Variants in EML4 observed in about 807,000 individuals in gnomAD.
EML4 encodes the protein echinoderm microtubule-associated protein-like 4.
A neutral mutation model predicts 129.0 loss-of-function variants in EML4; 72 were observed. The ratio of observed to expected loss-of-function variants is 0.56; its 90% CI spans 0.46 to 0.68. The LOEUF (loss-of-function observed/expected upper bound fraction) is 0.68. EML4 is among the 30% of genes least tolerant of loss of function. The pLI is 0.00. For synonymous variants in EML4, 532 were observed against 405.0 expected (o/e 1.31, Z -3.77); for missense variants, 1,363 against 1,190.6 (o/e 1.14, Z -2.13).
At chr2:42,308,085 G>A (rs1404527472) in intron 17 of EML4, among the ~76,000 whole-genome samples, 1 of 152,212 alleles carries the variant, frequency 6.6e-6, no homozygotes, top group African/African-American at 2.4e-5. Context: ...TAACTAAAGA[G>A]TAAGCACAGT....
chr2:42,171,800 T>C (rs1670297337), intron 1 of EML4, among the ~76,000 whole-genome samples: 1 of 152,220 alleles, frequency 6.6e-6, no homozygotes, highest in Admixed American at 6.5e-5. Context: ...AGCTCTGTGC[T>C]TTCTCTTTCT....
rs375739496 is a variant in EML4, at chr2:42,240,281, C to A, written c.26-5224C>A. On this transcript the variant is annotated intron_variant, in intron 1 of 22. Transcript: ENST00000318522. ...TAATACACATTTTTATTGTGAAATT[C>A]GAATAATACAGGAATACATACACTA... 2.0e-5 allele frequency among the ~76,000 whole-genome samples: 3 copies of A among 152,110 alleles called. No homozygotes were observed. In the East Asian group the frequency reaches 5.8e-4, roughly 29 times the overall value.
intron 1 of EML4, among the ~76,000 whole-genome samples, chr2:42,243,881 A>C (rs1675194936): frequency 6.6e-6 from 1 of 152,164 alleles, no homozygotes; most frequent in Non-Finnish European, 1.5e-5. Flanking sequence ...GTGAGAAAAA[A>C]ACAGTACATT....
chr2:42,276,341 G>GC (rs1666655036), intron 6 of EML4, among the ~76,000 whole-genome samples: 1 of 152,080 alleles, frequency 6.6e-6, no homozygotes, highest in South Asian at 2.1e-4. Context: ...TCATGGAGTG[G>GC]CCTTGCTGCT....
chr2:42,172,026 G>T (rs1417493285), intron 1 of EML4, among the ~76,000 whole-genome samples: 1 of 151,974 alleles, frequency 6.6e-6, no homozygotes, highest in Non-Finnish European at 1.5e-5. Flanking sequence ...GAATATAAAG[G>T]CAAGCACTTC....
intron 1 of EML4, among the ~76,000 whole-genome samples, chr2:42,231,255 T>C (rs1278365258): frequency 3.9e-5 from 6 of 152,254 alleles, no homozygotes; most frequent in Non-Finnish European, 8.8e-5. Context: ...CCTGAACCTA[T>C]GACTAGCTTT....
chr2:42,235,641 T>C (rs1436170519), intron 1 of EML4, among the ~76,000 whole-genome samples: 1 of 152,208 alleles, frequency 6.6e-6, no homozygotes, highest in East Asian at 1.9e-4. Flanking sequence ...TCAGAGACTA[T>C]TTCAAATTTT....
At position 42,309,072 on chromosome 2, in the gene EML4, G is replaced by A. The variant is rs181103083; in HGVS notation, c.1967+4521G>A. 6.5e-3 allele frequency among the ~76,000 whole-genome samples: 990 copies of A among 151,976 alleles called. 2 individuals are homozygous for A. The highest frequency in any genetic ancestry group is 0.017 in the Middle Eastern group (5 of 294). ...GTGGATATGTGTTTTCAGCTCTCTG[G>A]GATATAAAAGAGTAGAATTGTTGGG... On this transcript the variant is annotated intron_variant, in intron 17 of 22. Coordinates refer to ENST00000318522, the MANE Select transcript of EML4 (RefSeq NM_019063.5).
chr2:42,327,975 C>A (rs576454053), intron 21 of EML4, among the ~76,000 whole-genome samples: 1 of 152,146 alleles, frequency 6.6e-6, no homozygotes, highest in African/African-American at 2.4e-5. Context: ...GCTATCAAGA[C>A]AGAGAAGCCT....
At chr2:42,172,968 G>C (rs1269221495) in intron 1 of EML4, among the ~76,000 whole-genome samples, 1 of 152,104 alleles carries the variant, frequency 6.6e-6, no homozygotes, top group African/African-American at 2.4e-5. Flanking sequence ...TAACCAGTCA[G>C]CTTTAAATTT....
intron 11 of EML4, among the ~76,000 whole-genome samples, chr2:42,293,300 A>G (rs1277183614): frequency 2.0e-5 from 3 of 151,984 alleles, no homozygotes; most frequent in East Asian, 3.9e-4. Context: ...GACAGGTCTC[A>G]CTATGTTGCA....
intron 1 of EML4, among the ~76,000 whole-genome samples, chr2:42,232,295 C>T (rs1017656823): frequency 2.0e-5 from 3 of 152,116 alleles, no homozygotes; most frequent in Admixed American, 6.5e-5. Context: ...GCAAGAGGAC[C>T]TTTTTTGTTA....
chr2:42,237,821 C>G (rs573004492), intron 1 of EML4, among the ~76,000 whole-genome samples: 4 of 152,290 alleles, frequency 2.6e-5, no homozygotes, highest in Admixed American at 2.6e-4. Context: ...TCTTCGTCAT[C>G]TCAACTACTC....
intron 1 of EML4, among the ~76,000 whole-genome samples, chr2:42,189,919 A>G (rs1386543214): frequency 6.6e-6 from 1 of 152,156 alleles, no homozygotes; most frequent in Admixed American, 6.5e-5. Context: ...CTTGGTTACT[A>G]ACATCATGAG....
Position 42,331,523 on chromosome 2 carries a change from T to C in EML4, c.*1316T>C, listed in dbSNP as rs1670100024. 1 of 223,554 alleles carries C rather than the reference T, an allele frequency of 4.5e-6. No homozygotes were observed. Among genetic ancestry groups the C allele is most frequent in the African/African-American group, 2.2e-5 (1 of 44,790 alleles). The allele number at this position is 223,554 out of a possible 1,614,324, so 13.8% of individuals were successfully genotyped here. A position where few individuals can be genotyped will look rare whatever the true frequency, so the allele number is the denominator to read the frequency against. On this transcript the variant is annotated 3_prime_UTR_variant, in exon 23 of 23. Transcript: ENST00000318522. ...TTATACTTTGATTATAAAAAAGTAT[T>C]TTGTTTTGATTTTTTAACTTGCTGC... is the stretch of plus-strand genomic sequence containing the variant.
In EML4 at chr2:42,295,372, T is replaced by C. The variant is rs1254776935; in HGVS notation, c.1354-9T>C. The C allele has an allele frequency of 1.2e-6, 2 of 1,605,804 alleles. No individual in the cohort carries two copies. Among genetic ancestry groups the C allele is most frequent in the Non-Finnish European group, 1.7e-6 (2 of 1,178,070 alleles). ...AAGAAAACTGAAAATTTTTATTGTT[T>C]CCTTGTAGAAATATGAAAAGCCAAA... On this transcript the variant is annotated splice_polypyrimidine_tract_variant and intron_variant, in intron 12 of 22. Coordinates refer to ENST00000318522, the MANE Select transcript of EML4 (RefSeq NM_019063.5).
intron 6 of EML4, among the ~76,000 whole-genome samples, chr2:42,276,778 G>A (rs142910906): frequency 1.6e-4 from 24 of 152,298 alleles, no homozygotes; most frequent in Middle Eastern, 3.4e-3. Context: ...GATTCAAGTC[G>A]TAATCTTTTC....
At chr2:42,226,937 T>A (rs1188564918) in intron 1 of EML4, among the ~76,000 whole-genome samples, 1 of 152,132 alleles carries the variant, frequency 6.6e-6, no homozygotes, top group African/African-American at 2.4e-5. Context: ...TCTAGAAATA[T>A]ATATATAAAT....
intron 19 of EML4, among the ~76,000 whole-genome samples, chr2:42,325,016 C>T (rs1034313506): frequency 6.6e-6 from 1 of 152,134 alleles, no homozygotes; most frequent in African/African-American, 2.4e-5. Flanking sequence ...TGCTGTATTC[C>T]TCAGCTTCTG....
Sources: allele counts gnomAD v4.1 joint callset (sites outside exome capture counted in the v4.1 genomes callset), GRCh38; gene constraint gnomAD v4.1.1; transcripts MANE v1.5; gene names NCBI Gene and HGNC (gene_info 2026-07-23, HGNC 2026-07-21).